Variants in SIM2 observed in about 807,000 individuals in gnomAD.
The protein encoded by SIM2 is SIM bHLH transcription factor 2.
A neutral mutation model predicts 64.8 loss-of-function variants in SIM2; 28 were observed. The observed-to-expected ratio is 0.43, with a 90% CI of 0.32 to 0.59. The LOEUF (loss-of-function observed/expected upper bound fraction) is 0.59, where lower values mean the gene tolerates loss of function less well. SIM2 is among the 20% of genes least tolerant of loss of function. The pLI is 0.07. For missense variants in SIM2, 847 were observed against 871.4 expected (o/e 0.97, Z 0.35); for synonymous variants, 408 against 391.1 (o/e 1.04, Z -0.51).
intron 7 of SIM2, 127 bp from the exon 8 acceptor site, chr21:36,741,590 G>C: frequency 9.5e-7 from 1 of 1,048,002 alleles, no homozygotes; most frequent in Non-Finnish European, 1.4e-6. Flanking sequence ...ACCCTCCAGC[G>C]GAGAAAGCCC....
intron 3 of SIM2, among the ~76,000 whole-genome samples, chr21:36,714,506 G>A (rs2088717930): frequency 6.6e-6 from 1 of 152,172 alleles, no homozygotes; most frequent in South Asian, 2.1e-4. Context: ...TGTCTTTAAG[G>A]ATCGTGGTGA....
chr21:36,730,832 GA>G (rs1026253427), intron 6 of SIM2, among the ~76,000 whole-genome samples: 1 of 152,154 alleles, frequency 6.6e-6, no homozygotes, highest in Non-Finnish European at 1.5e-5. Context: ...GGTGGTTTCA[GA>G]AGAACATTCC....
At chr21:36,727,853 T>C (rs1450872484) in intron 6 of SIM2, among the ~76,000 whole-genome samples, 2 of 151,702 alleles carry the variant, frequency 1.3e-5, no homozygotes, top group African/African-American at 2.4e-5. Flanking sequence ...ATTGATGTTC[T>C]ATAGAGAAAA....
chr21:36,715,821 A>G (rs1043469704), intron 3 of SIM2, among the ~76,000 whole-genome samples: 6 of 152,208 alleles, frequency 3.9e-5, no homozygotes, highest in South Asian at 4.1e-4. Context: ...TTATAAGCCC[A>G]TCCCCATTCC....
At chr21:36,743,644 CATT>C in intron 9 of SIM2, 89 bp downstream of exon 9, 1 of 1,249,562 alleles carries the variant, frequency 8.0e-7, no homozygotes, top group East Asian at 2.4e-5. Context: ...GGGAGCCTCT[CATT>C]GCACAGCAGG....
chr21:36,700,693 T>C (rs2088479274), intron 1 of SIM2, among the ~76,000 whole-genome samples: 1 of 152,228 alleles, frequency 6.6e-6, no homozygotes, highest in African/African-American at 2.4e-5. Context: ...ACACTTGTGC[T>C]GAGCCGGGCC....
intron 3 of SIM2, among the ~76,000 whole-genome samples, chr21:36,715,768 T>C (rs2088738649): frequency 1.3e-5 from 2 of 152,336 alleles, no homozygotes; most frequent in African/African-American, 4.8e-5. Context: ...TAAATGACTA[T>C]CCAAATTCTT....
chr21:36,710,634 G>C (rs2088662051), intron 2 of SIM2: 1 of 151,976 alleles, frequency 6.6e-6, no homozygotes, highest in African/African-American at 2.4e-5. Flanking sequence ...AGGACGCCAT[G>C]ACTTAGGTCA....
At chr21:36,705,597 T>A (rs1217560732) in intron 1 of SIM2, among the ~76,000 whole-genome samples, 1 of 152,170 alleles carries the variant, frequency 6.6e-6, no homozygotes, top group Non-Finnish European at 1.5e-5. Context: ...AAATAGAGGT[T>A]AGAGGTCGGG....
intron 7 of SIM2, among the ~76,000 whole-genome samples, chr21:36,739,253 G>A (rs1266137822): frequency 6.6e-6 from 1 of 152,150 alleles, no homozygotes; most frequent in African/African-American, 2.4e-5. Flanking sequence ...TATGAAGTAA[G>A]GACTGATTAT....
In SIM2 at chr21:36,723,114, C is replaced by A; in HGVS notation, c.527C>A (p.Thr176Asn). 6.2e-7 allele frequency: 1 copy of A among 1,614,040 alleles called. No homozygotes were observed. Among genetic ancestry groups the A allele is most frequent in the Non-Finnish European group, 8.5e-7 (1 of 1,179,950 alleles). ...CVLAKRNAGLTCSGYKVIHCS... is the reference protein window; with the variant it reads ...CVLAKRNAGLNCSGYKVIHCS... The stretch of plus-strand genomic sequence containing the variant: ...TTGGCGAAAAGGAACGCGGGCCTGA[C>A]CTGCAGCGGATACAAGGTACGGGGA... Residue 176 changes from threonine to asparagine, a missense_variant, in exon 5 of 11, where the codon ACC becomes AAC. Physicochemically the swap from Thr to Asn is moderately conservative, Grantham distance 65. Transcript: ENST00000290399.
intron 7 of SIM2, among the ~76,000 whole-genome samples, chr21:36,735,334 G>A (rs556047607): frequency 4.7e-4 from 72 of 152,246 alleles, no homozygotes; most frequent in Non-Finnish European, 8.8e-4. Context: ...CCTCCCTGCT[G>A]GGCCTTCATC....
At position 36,747,676 on chromosome 21, in the gene SIM2, GC is replaced by G; in HGVS notation, c.1590del (p.Val531CysfsTer175). The G allele has an allele frequency of 2.4e-6, 3 of 1,264,268 alleles. No individual in the cohort carries two copies. Among genetic ancestry groups the G allele is most frequent in the Non-Finnish European group, 3.0e-6 (3 of 1,004,750 alleles). 78.3% of individuals were successfully genotyped at this position (1,264,268 alleles called of 1,614,324 possible). On this transcript the variant is annotated frameshift_variant, in exon 11 of 11. Coordinates refer to ENST00000290399, the MANE Select transcript of SIM2 (RefSeq NM_005069.6). LOFTEE classifies it low-confidence loss of function (END_TRUNC). The surrounding 1 kb of genome is among the most constrained non-coding windows in gnomAD (Gnocchi z 4.5). The part of the protein sequence containing the change: ...LVPSYEAPAA[A>X]VRRFGEDTAP... The stretch of plus-strand genomic sequence containing the variant: ...GCCTGTCCCCGCAGCGCCCGCCGCC[GC>G]CGTGCGCAGGTTCGGCGAGGACACC...
chr21:36,731,169 C>G lies in SIM2; in HGVS notation c.850+18C>G, dbSNP rs2088963492. The G allele has an allele frequency of 6.3e-7, 1 of 1,599,668 alleles. No individual in the cohort carries two copies. The stretch of plus-strand genomic sequence containing the variant: ...CCACCTCCGTGAGTAGCACGCCCAC[C>G]CCAGCCACGGGAGGTAGCTGGTCAG... On this transcript the variant is annotated intron_variant, in intron 7 of 10. Transcript: ENST00000290399.
At position 36,743,496 on chromosome 21, in the gene SIM2, G is replaced by A; in HGVS notation, c.1108G>A (p.Val370Met). The part of the protein sequence containing the change: ...LSTSQETRKL[V>M]KPKNTKMKTK... Reference sequence around the variant, plus strand: ...TACCTCACAAGAAACTAGGAAATTAGTGAAACCCAAAAATACCAAGATGAA... The same window carrying A: ...TACCTCACAAGAAACTAGGAAATTAATGAAACCCAAAAATACCAAGATGAA... The change falls in exon 9 of 11, where the codon GTG becomes ATG. Residue 370 changes from valine (V) to methionine (M), a missense_variant. Around this residue, in one of 3 missense-constraint regions of SIM2, gnomAD observed 447 missense variants for 414.6 expected, o/e 1.08. Coordinates refer to ENST00000290399, the MANE Select transcript of SIM2 (RefSeq NM_005069.6). 1.2e-6 allele frequency: 2 copies of A among 1,614,118 alleles called. No individual in the cohort carries two copies. Among genetic ancestry groups the A allele is most frequent in the South Asian group, 1.1e-5 (1 of 91,080 alleles).
intron 7 of SIM2, among the ~76,000 whole-genome samples, chr21:36,736,377 T>C (rs1399882963): frequency 1.3e-5 from 2 of 152,128 alleles, no homozygotes; most frequent in South Asian, 2.1e-4. Flanking sequence ...AGAGGCCTGA[T>C]TGGAGGTAAG....
intron 9 of SIM2, among the ~76,000 whole-genome samples, chr21:36,744,311 C>CAAAAAAAA (rs60354140): frequency 9.6e-5 from 4 of 41,694 alleles, no homozygotes; most frequent in Admixed American, 2.8e-4. Context: ...CACATTATGA[C>CAAAAAAAA]AAAAAAAAAA....
chr21:36,739,242 A>G (rs2089122033), intron 7 of SIM2, among the ~76,000 whole-genome samples: 1 of 152,236 alleles, frequency 6.6e-6, no homozygotes, highest in Non-Finnish European at 1.5e-5. Context: ...TTCAACAACC[A>G]TATGAAGTAA....
Position 36,745,035 on chromosome 21 carries a change from A to T in SIM2, c.1475A>T (p.His492Leu), listed in dbSNP as rs748418447. ...TLPASGECQW[H>L]YANPLVPSSS... ...CCAGCCAGCGGTGAATGCCAGTGGC[A>T]TTATGCCAACCCCCTAGTGCCTAGC... Residue 492 changes from histidine to leucine, a missense_variant, in exon 10 of 11, where the codon CAT becomes CTT. By Grantham distance (99) the His-to-Leu change is moderately conservative. This residue lies in a region of SIM2 where 447 missense variants were observed against 414.6 expected (regional missense o/e 1.08). Transcript: ENST00000290399. This position sits in a 1 kb window ranked among gnomAD's most constrained non-coding sequence, Gnocchi z 4.8. 3.2e-5 allele frequency: 52 copies of T among 1,614,090 alleles called. No individual in the cohort carries two copies. In the East Asian group the frequency reaches 9.6e-4, roughly 30 times the overall value.
Sources: allele counts gnomAD v4.1 joint callset (sites outside exome capture counted in the v4.1 genomes callset), GRCh38; gene constraint gnomAD v4.1.1; regional missense constraint gnomAD v4.1.1; non-coding constraint Gnocchi (gnomAD v3.1); transcripts MANE v1.5; gene names NCBI Gene and HGNC (gene_info 2026-07-23, HGNC 2026-07-21).